Variants in SEPTIN9 observed in about 807,000 individuals in gnomAD.
SEPTIN9 encodes septin-9.
Under a neutral mutation model 56.6 loss-of-function variants are expected in SEPTIN9, and 13 were observed. The observed-to-expected ratio is 0.23, with a 90% confidence interval of 0.15 to 0.37. The LOEUF is 0.37. Among genes scored for constraint, SEPTIN9 ranks in the 10% least tolerant of loss-of-function variants. The pLI is 1.00. For missense variants in SEPTIN9, 650 were observed against 823.1 expected, an observed-to-expected ratio of 0.79 and a Z score of 2.57; for synonymous variants, 332 against 334.1, an observed-to-expected ratio of 0.99 and a Z score of 0.07.
At chr17:77,350,807 A>G (rs2034036187) in intron 2 of SEPTIN9, among the ~76,000 whole-genome samples, 1 of 152,246 alleles carries the variant, frequency 6.6e-6, no homozygotes, top group African/African-American at 2.4e-5. Context: ...GCCTTCCACA[A>G]CTAGAAGGGC....
intron 3 of SEPTIN9, among the ~76,000 whole-genome samples, chr17:77,414,549 T>G (rs1285658806): frequency 1.3e-5 from 2 of 151,300 alleles, no homozygotes; most frequent in Non-Finnish European, 2.9e-5. Flanking sequence ...CTCCTCCATA[T>G]TTCCTTCCTA....
At chr17:77,344,193 AC>A (rs1390414000) in intron 2 of SEPTIN9, among the ~76,000 whole-genome samples, 1 of 150,314 alleles carries the variant, frequency 6.7e-6, no homozygotes, top group Non-Finnish European at 1.5e-5. Flanking sequence ...ACAAAAAAAA[AC>A]AACCCAGTGA....
chr17:77,359,396 G>T (rs1290460646), intron 2 of SEPTIN9, among the ~76,000 whole-genome samples: 1 of 152,236 alleles, frequency 6.6e-6, no homozygotes, highest in Admixed American at 6.5e-5. Flanking sequence ...CATTTGCACT[G>T]TGCTTAAGGG....
chr17:77,360,157 C>A (rs1188442555), intron 2 of SEPTIN9, among the ~76,000 whole-genome samples: 107 of 120,680 alleles, frequency 8.9e-4, no homozygotes, highest in African/African-American at 1.1e-3. Flanking sequence ...AACTCTGTCT[C>A]AAAAAAAAAA....
chr17:77,401,945 C>T lies in SEPTIN9; in HGVS notation c.77-114C>T, dbSNP rs1204086378. ...AGACATGAAGGACGGGAAGAGACCC[C>T]CGGCCCTCACCGCCGCATCGCCTGC... is the stretch of plus-strand genomic sequence containing the variant. On this transcript the variant is annotated intron_variant, in intron 2 of 11. Coordinates refer to ENST00000427177, the MANE Select transcript of SEPTIN9 (RefSeq NM_001113491.2). 8 of 1,060,982 alleles carry T rather than the reference C, an allele frequency of 7.5e-6. No homozygotes were observed. In the South Asian group the frequency reaches 1.1e-4, roughly 15 times the overall value. The allele number at this position is 1,060,982 out of a possible 1,614,324, so 65.7% of individuals were successfully genotyped here. A position where few individuals can be genotyped will look rare whatever the true frequency, so the allele number is the denominator to read the frequency against.
At position 77,310,054 on chromosome 17, in the gene SEPTIN9, C is replaced by T. The variant is rs192907408; in HGVS notation, c.76+2857C>T. Among the ~76,000 whole-genome samples, 28 of 152,192 alleles carry T rather than the reference C, an allele frequency of 1.8e-4. No individual in the cohort carries two copies. Among genetic ancestry groups the T allele is most frequent in the African/African-American group, 6.7e-4 (28 of 41,520 alleles). ...AGTGCAGTGGCACCATCTCGGCTCA[C>T]TGCAACCTCTGCCTCCTGGGTTCAA... On this transcript the variant is annotated intron_variant, in intron 2 of 11. Transcript: ENST00000427177. The surrounding 1 kb of genome is among the most constrained non-coding windows in gnomAD (Gnocchi z 4.7).
intron 2 of SEPTIN9, among the ~76,000 whole-genome samples, chr17:77,388,884 G>A (rs2035436819): frequency 6.7e-6 from 1 of 149,078 alleles, no homozygotes; most frequent in South Asian, 2.1e-4. Flanking sequence ...ATGAGACGAG[G>A]AGGGAGGGAG....
At position 77,327,720 on chromosome 17, in the gene SEPTIN9, C is replaced by T. The variant is rs930547518; in HGVS notation, c.76+20523C>T. On this transcript the variant is annotated intron_variant, in intron 2 of 11. Coordinates refer to ENST00000427177, the MANE Select transcript of SEPTIN9 (RefSeq NM_001113491.2). This position sits in a 1 kb window ranked among gnomAD's most constrained non-coding sequence, Gnocchi z 5.0. ...CTGTGGACGCCCTCATACCTCCATCCGTGGAGCCACCCTCCTCTTTTTTTT... is the reference window on the plus strand; with the variant it reads ...CTGTGGACGCCCTCATACCTCCATCTGTGGAGCCACCCTCCTCTTTTTTTT... Among the ~76,000 whole-genome samples, 23 of 151,168 alleles carry T rather than the reference C, an allele frequency of 1.5e-4. No homozygotes were observed. Among genetic ancestry groups the T allele is most frequent in the Non-Finnish European group, 5.9e-5 (4 of 67,966 alleles).
intron 2 of SEPTIN9, among the ~76,000 whole-genome samples, chr17:77,365,390 T>G (rs2034542786): frequency 6.6e-6 from 1 of 152,132 alleles, no homozygotes; most frequent in African/African-American, 2.4e-5. Flanking sequence ...TGTCTTATTC[T>G]TTCCTCTTTC....
intron 2 of SEPTIN9, among the ~76,000 whole-genome samples, chr17:77,335,646 A>C (rs1240573397): frequency 6.9e-6 from 1 of 145,270 alleles, no homozygotes; most frequent in African/African-American, 2.6e-5. Flanking sequence ...GTATTAGTAT[A>C]TGTACATATA....
chr17:77,440,005 G>A (rs1038269407), intron 3 of SEPTIN9, among the ~76,000 whole-genome samples: 3 of 152,208 alleles, frequency 2.0e-5, no homozygotes, highest in African/African-American at 7.2e-5. Flanking sequence ...GTCCCCTGAT[G>A]CTGCCAGCAC....
chr17:77,298,569 C>T (rs111929274), intron 1 of SEPTIN9, among the ~76,000 whole-genome samples: 102 of 152,306 alleles, frequency 6.7e-4, no homozygotes, highest in African/African-American at 2.3e-3. Context: ...GGAGATGGGA[C>T]GGTTTCCTGT....
At chr17:77,462,716 A>C (rs1441843531) in intron 3 of SEPTIN9, among the ~76,000 whole-genome samples, 2 of 151,968 alleles carry the variant, frequency 1.3e-5, no homozygotes, top group Non-Finnish European at 2.9e-5. Flanking sequence ...ATCTCTGCTC[A>C]CTGCAACCTC....
intron 2 of SEPTIN9, among the ~76,000 whole-genome samples, chr17:77,333,013 A>C (rs2033421690): frequency 6.6e-6 from 1 of 152,186 alleles, no homozygotes; most frequent in South Asian, 2.1e-4. Context: ...GTAGGTATAC[A>C]TTTAGTTTTA....
chr17:77,364,658 C>CCATGTT lies in SEPTIN9; in HGVS notation c.77-37397_77-37396insTTCATG, dbSNP rs550557975. ...AGCCCACAGTTCTACCCCTGAACAC[C>CCATGTT]CATGGCCTCCCTGTTCAGGTCAGCG... On this transcript the variant is annotated intron_variant, in intron 2 of 11. Transcript: ENST00000427177. Among the ~76,000 whole-genome samples the CCATGTT allele has an allele frequency of 2.8e-3, 428 of 152,352 alleles. 1 individual carries two copies. The highest frequency in any genetic ancestry group is 9.9e-3 in the African/African-American group (412 of 41,588).
chr17:77,391,238 G>A (rs924673795), intron 2 of SEPTIN9, among the ~76,000 whole-genome samples: 1 of 152,222 alleles, frequency 6.6e-6, no homozygotes, highest in African/African-American at 2.4e-5. Context: ...AATGGCTGGA[G>A]TGGCCACAGC....
At chr17:77,447,685 C>T (rs949786054) in intron 3 of SEPTIN9, among the ~76,000 whole-genome samples, 2 of 152,330 alleles carry the variant, frequency 1.3e-5, no homozygotes, top group African/African-American at 2.4e-5. Flanking sequence ...AGTGCAGTGG[C>T]GTGATCTCAG....
chr17:77,450,728 T>TGGAGAGGCA lies in SEPTIN9; in HGVS notation c.722-31411_722-31403dup. On this transcript the variant is annotated intron_variant, in intron 3 of 11. Coordinates refer to ENST00000427177, the MANE Select transcript of SEPTIN9 (RefSeq NM_001113491.2). The surrounding 1 kb of genome is among the most constrained non-coding windows in gnomAD (Gnocchi z 6.0). ...CAGGTCCCCCAGGGGCTGGAGAGGCTGGAGAGGCAGGAGCTGGATCAGATC... is the reference window on the plus strand; with the variant it reads ...CAGGTCCCCCAGGGGCTGGAGAGGCTGGAGAGGCAGGAGAGGCAGGAGCTGGATCAGATC... 4.1e-6 allele frequency: 4 copies of TGGAGAGGCA among 986,100 alleles called. No homozygotes were observed. Among genetic ancestry groups the TGGAGAGGCA allele is most frequent in the Non-Finnish European group, 4.8e-6 (4 of 830,636 alleles). The allele number at this position is 986,100 out of a possible 1,614,324, so 61.1% of individuals were successfully genotyped here. A position where few individuals can be genotyped will look rare whatever the true frequency, so the allele number is the denominator to read the frequency against.
intron 2 of SEPTIN9, among the ~76,000 whole-genome samples, chr17:77,372,254 G>A (rs918042498): frequency 2.6e-5 from 4 of 152,194 alleles, no homozygotes; most frequent in Admixed American, 1.3e-4. Flanking sequence ...TTTCCAGGGC[G>A]AGTGGAAGAA....
Sources: gnomAD v4.1 joint callset for allele counts (sites outside exome capture counted in the v4.1 genomes callset) on GRCh38, gnomAD v4.1.1 for gene constraint, Gnocchi (gnomAD v3.1) non-coding constraint, MANE v1.5 for transcripts, NCBI Gene and HGNC (gene_info 2026-07-23, HGNC 2026-07-21) for gene names.